LTN1: variants seen among roughly 807,000 people sequenced by gnomAD.
LTN1 encodes E3 ubiquitin-protein ligase listerin.
A neutral mutation model predicts 201.2 loss-of-function variants in LTN1; 88 were observed. The observed-to-expected ratio is 0.44, with a 90% CI of 0.37 to 0.52. The LOEUF is 0.52. Among genes scored for constraint, LTN1 ranks in the 20% least tolerant of loss-of-function variants. The pLI, the probability that LTN1 is intolerant of heterozygous loss-of-function variation, is 0.00. For missense variants in LTN1, 1,752 were observed against 2,038.7 expected, an observed-to-expected ratio of 0.86 and a Z score of 2.71; for synonymous variants, 645 against 713.5, an observed-to-expected ratio of 0.90 and a Z score of 1.53.
At chr21:28,947,320 C>A (rs1290259235) in intron 19 of LTN1, 144 bp downstream of exon 19, 10 of 625,634 alleles carry the variant, frequency 1.6e-5, no homozygotes, top group Non-Finnish European at 2.3e-5. Context: ...CAGCCACTGT[C>A]TAACAACACT....
chr21:28,970,514 C>A, intron 8 of LTN1, 38 bp downstream of exon 8: 2 of 1,356,718 alleles, frequency 1.5e-6, no homozygotes, highest in Admixed American at 2.0e-5. Context: ...ACAAGAAAAT[C>A]TGTTTTGTTT....
rs1434784825 is a variant in LTN1 at position 28,967,173 on chromosome 21, G to A, written c.1318C>T (p.Pro440Ser). 6 of 1,599,282 alleles carry A rather than the reference G, an allele frequency of 3.8e-6. No individual in the cohort carries two copies. The highest frequency in any genetic ancestry group is 5.1e-6 in the Non-Finnish European group (6 of 1,174,294). Residue 440 changes from proline (P) to serine (S), a missense_variant, in exon 10 of 30, where the codon CCT becomes TCT. By Grantham distance (74) the Pro-to-Ser change is moderately conservative (BLOSUM62 -1). Coordinates refer to ENST00000361371, the MANE Select transcript of LTN1 (RefSeq NM_015565.3). ...EQMLVNDQLI[P>S]FIDAVLKDPG... ...TCTTTGAGAACTGCATCAATAAAAG[G>A]GATCAACTGAAAGAAAAGGTAGAAT... is the stretch of plus-strand genomic sequence containing the variant.
chr21:28,988,081 G>A (rs1186377665), intron 1 of LTN1, among the ~76,000 whole-genome samples: 1 of 144,758 alleles, frequency 6.9e-6, no homozygotes, highest in Non-Finnish European at 1.5e-5. Flanking sequence ...GGCAGAGGTT[G>A]CAATGAGCCA....
chr21:28,957,857 T>C (rs76383944), intron 14 of LTN1, among the ~76,000 whole-genome samples: 5,996 of 152,268 alleles, frequency 0.039, 132 homozygotes, highest in Middle Eastern at 0.12. Flanking sequence ...AGGTAAAATA[T>C]ACTTGCAATT....
chr21:28,986,904 G>A lies in LTN1; in HGVS notation c.73C>T (p.Leu25Phe), dbSNP rs1317561575. The change falls in exon 2 of 30, where the codon CTT becomes TTT. Residue 25 changes from leucine to phenylalanine, a missense_variant. This residue lies in a region of LTN1 where 280 missense variants were observed against 375.7 expected (regional missense o/e 0.75). Coordinates refer to ENST00000361371, the MANE Select transcript of LTN1 (RefSeq NM_015565.3). The surrounding 1 kb of genome is among the most constrained non-coding windows in gnomAD (Gnocchi z 4.1). ...GGCACTGTTCCCTGTTCTTTGGCAAGGAGTTCTGCAGCTCGGCCACTGTTT... is the reference window on the plus strand; with the variant it reads ...GGCACTGTTCCCTGTTCTTTGGCAAAGAGTTCTGCAGCTCGGCCACTGTTT... ...PSNSGRAAELLAKEQGTVPGF... is the reference protein window; with the variant it reads ...PSNSGRAAELFAKEQGTVPGF... 7.4e-6 allele frequency: 12 copies of A among 1,614,034 alleles called. No individual in the cohort carries two copies. Among genetic ancestry groups the A allele is most frequent in the South Asian group, 2.2e-5 (2 of 91,090 alleles).
rs1270374638 is a variant in LTN1 at position 28,932,646 on chromosome 21, T to C, written c.4894A>G (p.Thr1632Ala). Residue 1632 changes from threonine (T) to alanine (A), a missense_variant, in exon 28 of 30, where the codon ACT becomes GCT. This residue lies in a region of LTN1 where 261 missense variants were observed against 350.1 expected (regional missense o/e 0.75). Transcript: ENST00000361371. ...NGMTVKARAT[T>A]REVMATYTIE... ...GTATAAGTAGCCATTACCTCTCGAG[T>C]AGTAGCTCGAGCTTTAACCTGCAAT... 1.2e-6 allele frequency: 2 copies of C among 1,607,848 alleles called. No homozygotes were observed. The highest frequency in any genetic ancestry group is 1.7e-5 in the Admixed American group (1 of 59,342).
chr21:28,966,091 A>G (rs2084520009), intron 10 of LTN1, among the ~76,000 whole-genome samples, 185 bp from the exon 11 acceptor site: 1 of 152,230 alleles, frequency 6.6e-6, no homozygotes, highest in African/African-American at 2.4e-5. Context: ...TAAAAAGTAA[A>G]TGAAGTACCC....
At chr21:28,960,377 AAAG>A (rs1216793315) in intron 12 of LTN1, 137 bp downstream of exon 12, 5 of 604,142 alleles carry the variant, frequency 8.3e-6, no homozygotes, top group Non-Finnish European at 1.4e-5. Context: ...AGAAAAAAGA[AAAG>A]AAAAGAAAAA....
chr21:28,985,133 A>G (rs1261881748), intron 3 of LTN1, among the ~76,000 whole-genome samples: 2 of 152,072 alleles, frequency 1.3e-5, no homozygotes, highest in Non-Finnish European at 2.9e-5. Flanking sequence ...CCTTCTCCCA[A>G]TGAGATAGGA....
intron 17 of LTN1, 88 bp downstream of exon 17, chr21:28,953,129 A>C: frequency 1.3e-6 from 1 of 788,246 alleles, no homozygotes; most frequent in Non-Finnish European, 2.0e-6. Context: ...CTGAAACATT[A>C]GCATGCAGTA....
At chr21:28,963,068 C>A (rs1050465725) in intron 11 of LTN1, among the ~76,000 whole-genome samples, 2 of 152,202 alleles carry the variant, frequency 1.3e-5, no homozygotes, top group Admixed American at 6.5e-5. Flanking sequence ...AAAGAAGAAA[C>A]CATCTCCACA....
At chr21:28,964,037 T>G (rs1568847617) in intron 11 of LTN1, among the ~76,000 whole-genome samples, 1 of 152,238 alleles carries the variant, frequency 6.6e-6, no homozygotes, top group Non-Finnish European at 1.5e-5. Context: ...AAGTGGTTTC[T>G]TGAGGTGGAA....
chr21:28,969,460 A>G lies in LTN1; in HGVS notation c.1311+6T>C, dbSNP rs1312946199. ...AAGAGACTGACGACTTTTACATTAT[A>G]GATACCTGATCATTGACGAGCATCT... On this transcript the variant is annotated splice_donor_region_variant and intron_variant, in intron 9 of 29. Coordinates refer to ENST00000361371, the MANE Select transcript of LTN1 (RefSeq NM_015565.3). The G allele has an allele frequency of 6.2e-7, 1 of 1,606,800 alleles. No homozygotes were observed. The highest frequency in any genetic ancestry group is 2.2e-5 in the East Asian group (1 of 44,730).
rs370514887 is a variant in LTN1 at position 28,947,913 on chromosome 21, C to T, written c.3345-307G>A. Among the ~76,000 whole-genome samples, 10 of 148,356 alleles carry T rather than the reference C, an allele frequency of 6.7e-5. No individual in the cohort carries two copies. In the East Asian group the frequency reaches 1.8e-3, roughly 26 times the overall value. ...TTTAAAAAAAAAAAAGAGTCAATTG[C>T]GGGGTGCGGTGGCTAATGCCTGTAA... is the stretch of plus-strand genomic sequence containing the variant. On this transcript the variant is annotated intron_variant, in intron 18 of 29. Transcript: ENST00000361371.
chr21:28,978,446 G>A (rs1488138750), intron 6 of LTN1, among the ~76,000 whole-genome samples: 1 of 152,188 alleles, frequency 6.6e-6, no homozygotes, highest in African/African-American at 2.4e-5. Context: ...GAAGAAAAAT[G>A]TAACTAGATC....
At chr21:28,990,041 T>C (rs1290353359) in intron 1 of LTN1, among the ~76,000 whole-genome samples, 2 of 152,150 alleles carry the variant, frequency 1.3e-5, no homozygotes, top group African/African-American at 4.8e-5. Flanking sequence ...ATAACCTTTT[T>C]TCTCTACCTG....
At chr21:28,944,331 A>T in intron 22 of LTN1, 52 bp downstream of exon 22, 1 of 1,418,962 alleles carries the variant, frequency 7.0e-7, no homozygotes, top group African/African-American at 1.4e-5. Flanking sequence ...TGAATTTTTC[A>T]GTAAGTCATT....
intron 6 of LTN1, among the ~76,000 whole-genome samples, chr21:28,972,677 T>G (rs532086141): frequency 6.6e-6 from 1 of 152,030 alleles, no homozygotes; most frequent in Non-Finnish European, 1.5e-5. Flanking sequence ...GTAACAGACA[T>G]AGGGGATAAA....
intron 1 of LTN1, among the ~76,000 whole-genome samples, chr21:28,988,466 C>CAA (rs34339110): frequency 8.7e-4 from 106 of 122,314 alleles, no homozygotes; most frequent in African/African-American, 1.8e-3. Context: ...GGCTCTGTCT[C>CAA]AAAAAAAAAA....
Sources: gnomAD v4.1 joint callset for allele counts (sites outside exome capture counted in the v4.1 genomes callset) on GRCh38, gnomAD v4.1.1 for gene constraint, gnomAD v4.1.1 regional missense constraint, Gnocchi (gnomAD v3.1) non-coding constraint, MANE v1.5 for transcripts, NCBI Gene and HGNC (gene_info 2026-07-23, HGNC 2026-07-21) for gene names.